Variants in SEMA6D observed in about 807,000 individuals in gnomAD.
SEMA6D encodes semaphorin 6D.
A neutral mutation model predicts 106.6 loss-of-function variants in SEMA6D; 35 were observed. The observed-to-expected ratio is 0.33, with a 90% confidence interval of 0.25 to 0.44. The LOEUF (loss-of-function observed/expected upper bound fraction) is 0.44. SEMA6D is among the 20% of genes least tolerant of loss of function. The pLI, the probability that SEMA6D is intolerant of heterozygous loss-of-function variation, is 1.00. For synonymous variants in SEMA6D, 499 were observed against 487.7 expected (o/e 1.02, Z -0.31); for missense variants, 1,185 against 1,345.9 (o/e 0.88, Z 1.87).
intron 3 of SEMA6D, among the ~76,000 whole-genome samples, chr15:47,587,738 G>A (rs2076367393): frequency 6.6e-6 from 1 of 152,032 alleles, no homozygotes; most frequent in Admixed American, 6.6e-5. Flanking sequence ...ACAGGTGGTG[G>A]GGCCAGAGAT....
At chr15:47,762,840 G>A (rs1319952783) in intron 8 of SEMA6D, among the ~76,000 whole-genome samples, 176 bp from the exon 9 acceptor site, 1 of 152,162 alleles carries the variant, frequency 6.6e-6, no homozygotes, top group Non-Finnish European at 1.5e-5. Context: ...AGAGATGACT[G>A]GTTCCCTGAA....
chr15:47,220,076 G>A (rs776284583), intron 1 of SEMA6D, among the ~76,000 whole-genome samples: 3 of 152,198 alleles, frequency 2.0e-5, no homozygotes, highest in Non-Finnish European at 4.4e-5. Context: ...GGCTCAGGAT[G>A]AGCACACTGT....
At chr15:47,482,808 A>G (rs546541106) in intron 3 of SEMA6D, among the ~76,000 whole-genome samples, 8 of 152,276 alleles carry the variant, frequency 5.3e-5, no homozygotes, top group Non-Finnish European at 1.0e-4. Context: ...CATTAGATCT[A>G]TGTTAATGGG....
intron 1 of SEMA6D, among the ~76,000 whole-genome samples, chr15:47,288,481 G>C (rs2035463857): frequency 6.6e-6 from 1 of 152,116 alleles, no homozygotes; most frequent in Non-Finnish European, 1.5e-5. Context: ...ATTAAGACTT[G>C]GAAAGTTTAA....
intron 2 of SEMA6D, among the ~76,000 whole-genome samples, chr15:47,456,528 TA>T (rs776602583): frequency 1.3e-5 from 2 of 151,972 alleles, no homozygotes; most frequent in Admixed American, 6.6e-5. Context: ...AACATTATAA[TA>T]AAGAAGTACA....
At chr15:47,622,124 T>C (rs917321247) in intron 4 of SEMA6D, among the ~76,000 whole-genome samples, 2 of 151,574 alleles carry the variant, frequency 1.3e-5, no homozygotes, top group East Asian at 3.9e-4. Context: ...TATAAATAAC[T>C]TACTGACCAA....
rs3985864 is a variant in SEMA6D, at chr15:47,746,984, G to GTATATATATATA, written c.-54-12753_-54-12742dup. ...ACAGTCTCCTGCTGTGTGTGTGTGT[G>GTATATATATATA]TATATATATATATATATATTTCGAT... is the stretch of plus-strand genomic sequence containing the variant. On this transcript the variant is annotated intron_variant, in intron 1 of 18. Transcript: ENST00000536845. Among the ~76,000 whole-genome samples, 885 of 122,018 alleles carry GTATATATATATA rather than the reference G, an allele frequency of 7.3e-3. 13 individuals carry two copies. The Middle Eastern group carries it at 0.075, about 10-fold the overall frequency. 80.0% of individuals were successfully genotyped at this position (122,018 alleles called of 152,430 possible). A position where few individuals can be genotyped will look rare whatever the true frequency, so the allele number is the denominator to read the frequency against.
At chr15:47,657,213 A>G (rs2077814497) in intron 4 of SEMA6D, among the ~76,000 whole-genome samples, 1 of 152,250 alleles carries the variant, frequency 6.6e-6, no homozygotes. Context: ...GACAGATGAT[A>G]AAGAGTGAAC....
At chr15:47,474,364 T>C (rs2042943267) in intron 3 of SEMA6D, among the ~76,000 whole-genome samples, 1 of 152,212 alleles carries the variant, frequency 6.6e-6, no homozygotes, top group Non-Finnish European at 1.5e-5. Context: ...TTGTAGAATG[T>C]TTGCTCAATA....
rs181063227 is a variant in SEMA6D at position 47,377,202 on chromosome 15, C to T, written c.-238-35191C>T. On this transcript the variant is annotated intron_variant, in intron 1 of 19. Coordinates refer to the SEMA6D transcript ENST00000558014. ...GATGATAGTAATAATCTAATTTTTC[C>T]ATTTAGCATGGATTTTGAATCAAAT... is the stretch of plus-strand genomic sequence containing the variant. Among the ~76,000 whole-genome samples the T allele has an allele frequency of 2.0e-5, 3 of 152,166 alleles. No homozygotes were observed. In the East Asian group the frequency reaches 5.8e-4, roughly 29 times the overall value.
chr15:47,319,014 T>C (rs1220292341), intron 1 of SEMA6D, among the ~76,000 whole-genome samples: 1 of 152,042 alleles, frequency 6.6e-6, no homozygotes, highest in Admixed American at 6.6e-5. Context: ...GATACAGTTT[T>C]CTTTTCTTTT....
intron 1 of SEMA6D, among the ~76,000 whole-genome samples, chr15:47,290,160 A>C (rs1292427641): frequency 6.6e-6 from 1 of 152,234 alleles, no homozygotes; most frequent in Non-Finnish European, 1.5e-5. Flanking sequence ...TAAGGCCTAT[A>C]CATAAGAGAA....
intron 1 of SEMA6D, among the ~76,000 whole-genome samples, chr15:47,233,439 A>G (rs1595783229): frequency 6.6e-6 from 1 of 152,144 alleles, no homozygotes. Context: ...TTTCATATGA[A>G]TTTTAGAATT....
At chr15:47,383,988 G>A (rs556341669) in intron 1 of SEMA6D, among the ~76,000 whole-genome samples, 13 of 152,246 alleles carry the variant, frequency 8.5e-5, no homozygotes, top group African/African-American at 2.9e-4. Flanking sequence ...GTTTTTCCAC[G>A]ATCTCATTTA....
rs891586714 is a variant in SEMA6D at position 47,645,987 on chromosome 15, C to A, written c.-55+45091C>A. 2.6e-5 allele frequency among the ~76,000 whole-genome samples: 4 copies of A among 152,322 alleles called. No individual in the cohort carries two copies. In the East Asian group the frequency reaches 5.8e-4, roughly 22 times the overall value. ...CTCTCAGGGAGCCCCACTCCAGGAA[C>A]TTCTGCATGCTCAGCTATCCAGAAG... On this transcript the variant is annotated intron_variant, in intron 4 of 19. Coordinates refer to the SEMA6D transcript ENST00000558014.
intron 1 of SEMA6D, among the ~76,000 whole-genome samples, chr15:47,327,020 C>G (rs1291589162): frequency 1.3e-5 from 2 of 152,130 alleles, no homozygotes; most frequent in Non-Finnish European, 2.9e-5. Flanking sequence ...AGCCCAGAGA[C>G]AGGTGAGACT....
chr15:47,279,699 C>A (rs36135298), intron 1 of SEMA6D, among the ~76,000 whole-genome samples: 1 of 151,690 alleles, frequency 6.6e-6, no homozygotes, highest in South Asian at 2.1e-4. Context: ...GAGAGACGTC[C>A]CATCAATACC....
chr15:47,375,820 T>C (rs916242804), intron 1 of SEMA6D, among the ~76,000 whole-genome samples: 1 of 152,216 alleles, frequency 6.6e-6, no homozygotes, highest in Non-Finnish European at 1.5e-5. Flanking sequence ...TAAAGGACAA[T>C]AGGCATTACA....
At chr15:47,681,864 C>T (rs559935483) in intron 4 of SEMA6D, among the ~76,000 whole-genome samples, 2 of 152,226 alleles carry the variant, frequency 1.3e-5, no homozygotes, top group East Asian at 1.9e-4. Flanking sequence ...AAGAGATCAT[C>T]ATGGGGATAT....
Sources: gnomAD v4.1 joint callset for allele counts (sites outside exome capture counted in the v4.1 genomes callset) on GRCh38, gnomAD v4.1.1 for gene constraint, MANE v1.5 for transcripts, NCBI Gene and HGNC (gene_info 2026-07-23, HGNC 2026-07-21) for gene names.